SERF2: variants seen among roughly 807,000 people sequenced by gnomAD.
SERF2 encodes the protein gastric cancer-related protein VRG107.
Under a neutral mutation model 10.7 loss-of-function variants are expected in SERF2, and 4 were observed. The ratio of observed to expected loss-of-function variants is 0.37; its 90% confidence interval spans 0.18 to 0.86. The LOEUF (loss-of-function observed/expected upper bound fraction) is 0.86. SERF2 is among the 40% of genes least tolerant of loss of function. The pLI is 0.43. For missense variants in SERF2, 47 were observed against 79.1 expected (o/e 0.59, Z 1.54); for synonymous variants, 26 against 26.0 (o/e 1.00, Z 0.01).
chr15:43,795,624 T>A lies in SERF2; in HGVS notation c.*1851T>A. 2.5e-6 allele frequency: 4 copies of A among 1,611,030 alleles called. No homozygotes were observed. The South Asian group carries it at 4.4e-5, about 18-fold the overall frequency. ...CCCCAACTACCTTTGTTAAGGCTCT[T>A]GAGGGTTCTTATGGCACTCCACAGA... On this transcript the variant is annotated 3_prime_UTR_variant, in exon 3 of 3. Coordinates refer to ENST00000249786, the MANE Select transcript of SERF2 (RefSeq NM_001018108.4).
intron 2 of SERF2, among the ~76,000 whole-genome samples, chr15:43,786,749 C>G (rs1311984675): frequency 1.3e-5 from 2 of 152,176 alleles, no homozygotes; most frequent in African/African-American, 4.8e-5. Flanking sequence ...AAGATTCTTT[C>G]TGCTACTCAT....
upstream of SERF2, among the ~76,000 whole-genome samples, chr15:43,790,067 G>C (rs1286030013): frequency 6.6e-6 from 1 of 151,596 alleles, no homozygotes; most frequent in East Asian, 1.9e-4. Flanking sequence ...GCTTGAACCT[G>C]GGAGGTGGAG....
At chr15:43,790,035 G>A (rs1460025293), upstream of SERF2, among the ~76,000 whole-genome samples, 3 of 151,940 alleles carry the variant, frequency 2.0e-5, no homozygotes, top group African/African-American at 7.3e-5. Context: ...CCAGCTACTC[G>A]GGAAGCTGAG....
intron 1 of SERF2, among the ~76,000 whole-genome samples, chr15:43,783,771 T>C (rs1181640609): frequency 6.6e-6 from 1 of 151,632 alleles, no homozygotes; most frequent in Non-Finnish European, 1.5e-5. Context: ...GGCTAATTTT[T>C]TTTTTTTTGA....
chr15:43,793,666 T>G (rs1440577467), intron 2 of SERF2, 44 bp from the exon 3 acceptor site: 1 of 1,614,132 alleles, frequency 6.2e-7, no homozygotes, highest in Admixed American at 1.7e-5. Flanking sequence ...CTTGTCCTTT[T>G]TGCCCTCTGG....
intron 1 of SERF2, among the ~76,000 whole-genome samples, chr15:43,778,817 G>A (rs907586063): frequency 1.3e-5 from 2 of 151,954 alleles, no homozygotes; most frequent in East Asian, 1.9e-4. Context: ...CAGGAGAATC[G>A]CTTGAGCCCC....
Position 43,792,406 on chromosome 15 carries a change from C to T in SERF2, c.7+23C>T, listed in dbSNP as rs1295743693. ...CCCGTGAGCACCGAGCCCCCTTCTC[C>T]TTGCCCTTTTCTTTCCGTTCACCCT... On this transcript the variant is annotated intron_variant, in intron 1 of 2. Transcript: ENST00000249786. The T allele has an allele frequency of 2.5e-6, 4 of 1,613,868 alleles. No individual in the cohort carries two copies. In the African/African-American group the frequency reaches 5.3e-5, roughly 22 times the overall value.
At position 43,795,010 on chromosome 15, in the gene SERF2, G is replaced by C; in HGVS notation, c.*1237G>C. The stretch of plus-strand genomic sequence containing the variant: ...GTTTGTGAAAAGGACTTAGACTGGA[G>C]GATATTTGTTATCTGGGGATATGAT... On this transcript the variant is annotated 3_prime_UTR_variant, in exon 3 of 3. Transcript: ENST00000249786. The C allele has an allele frequency of 6.2e-7, 1 of 1,610,840 alleles. No individual in the cohort carries two copies. Among genetic ancestry groups the C allele is most frequent in the Non-Finnish European group, 8.5e-7 (1 of 1,179,326 alleles).
rs1446482514 is a variant in SERF2, at chr15:43,795,997, T to G, written c.*2224T>G. 4.5e-6 allele frequency: 3 copies of G among 669,526 alleles called. No homozygotes were observed. Among genetic ancestry groups the G allele is most frequent in the Non-Finnish European group, 7.9e-6 (3 of 377,380 alleles). 41.5% of individuals were successfully genotyped at this position (669,526 alleles called of 1,614,324 possible). ...GAGGGTTAAATTAAATGAGATTATG[T>G]AAAAGTATCTAGCACAGTTGCCTAG... On this transcript the variant is annotated 3_prime_UTR_variant, in exon 3 of 3. Transcript: ENST00000249786.
chr15:43,793,705 C>T lies in SERF2; in HGVS notation c.117-5C>T. On this transcript the variant is annotated splice_polypyrimidine_tract_variant and splice_region_variant and intron_variant, in intron 2 of 2. Transcript: ENST00000249786. ...CTCCCAGTGCCCCATCATCTCTACC[C>T]CCAGGGACTCGGAGATCATGCAGCA... is the stretch of plus-strand genomic sequence containing the variant. 1 of 1,614,192 alleles carries T rather than the reference C, an allele frequency of 6.2e-7. No individual in the cohort carries two copies. Among genetic ancestry groups the T allele is most frequent in the South Asian group, 1.1e-5 (1 of 91,088 alleles).
rs1479714759 is a variant in SERF2 at position 43,792,366 on chromosome 15, C to G, written c.-11C>G. Reference sequence around the variant, plus strand: ...ACGTAACGGAGGCAGGTTGGAGCCGCTGCCGTCGCCATGACCCGTGAGCAC... The same window carrying G: ...ACGTAACGGAGGCAGGTTGGAGCCGGTGCCGTCGCCATGACCCGTGAGCAC... On this transcript the variant is annotated 5_prime_UTR_variant, in exon 1 of 3. Coordinates refer to ENST00000249786, the MANE Select transcript of SERF2 (RefSeq NM_001018108.4). The G allele has an allele frequency of 6.2e-7, 1 of 1,610,774 alleles. No individual in the cohort carries two copies. Among genetic ancestry groups the G allele is most frequent in the African/African-American group, 1.3e-5 (1 of 74,866 alleles).
intron 1 of SERF2, among the ~76,000 whole-genome samples, chr15:43,781,889 TTCTTC>T (rs1272419493): frequency 1.2e-4 from 8 of 68,376 alleles, no homozygotes; most frequent in Admixed American, 2.1e-4. Context: ...GTCCTACTTC[TTCTTC>T]TTTTTTTTTT....
chr15:43,794,165 G>A lies in SERF2; in HGVS notation c.*392G>A, dbSNP rs1460333148. ...GATTGTGGGTATGTAGACTTAATAA[G>A]TGAAACATCACAGAAGAAGCCTTTA... is the stretch of plus-strand genomic sequence containing the variant. On this transcript the variant is annotated 3_prime_UTR_variant, in exon 3 of 3. Transcript: ENST00000249786. 3 of 565,634 alleles carry A rather than the reference G, an allele frequency of 5.3e-6. No homozygotes were observed. The highest frequency in any genetic ancestry group is 9.2e-6 in the Non-Finnish European group (3 of 325,142). The allele number at this position is 565,634 out of a possible 1,614,324, so 35.0% of individuals were successfully genotyped here.
Position 43,793,016 on chromosome 15 carries a change from AAGC to A in SERF2, c.52_54del (p.Gln18del). On this transcript the variant is annotated inframe_deletion, in exon 2 of 3. Coordinates refer to ENST00000249786, the MANE Select transcript of SERF2 (RefSeq NM_001018108.4). ...GCTCGCCCGCCAGAAGAATATGAAA[AAGC>A]AGAGCGACTCGGTTAAGGGAAAGCG... 2 of 1,612,994 alleles carry A rather than the reference AAGC, an allele frequency of 1.2e-6. No individual in the cohort carries two copies. Among genetic ancestry groups the A allele is most frequent in the Non-Finnish European group, 1.7e-6 (2 of 1,179,092 alleles).
intron 2 of SERF2, 67 bp downstream of exon 2, chr15:43,793,150 AAG>A: frequency 3.0e-6 from 3 of 994,140 alleles, no homozygotes; most frequent in Non-Finnish European, 4.7e-6. Flanking sequence ...TATAGAAGGA[AAG>A]AGAGCTACCT....
At chr15:43,792,742 ACGCCT>A (rs2087095029) in intron 1 of SERF2, 1 of 818,544 alleles carries the variant, frequency 1.2e-6, no homozygotes, top group East Asian at 2.8e-5. Flanking sequence ...GCCCCAAAAC[ACGCCT>A]CCAGCTGGCC....
chr15:43,778,931 G>T (rs969221658), intron 1 of SERF2, among the ~76,000 whole-genome samples: 1 of 152,106 alleles, frequency 6.6e-6, no homozygotes, highest in African/African-American at 2.4e-5. Flanking sequence ...TGAATACGGG[G>T]ACAGAGAAAT....
At chr15:43,781,292 C>T (rs1161701911) in intron 1 of SERF2, among the ~76,000 whole-genome samples, 3 of 152,118 alleles carry the variant, frequency 2.0e-5, no homozygotes, top group Non-Finnish European at 2.9e-5. Flanking sequence ...CGGTGGCTCA[C>T]GCCTGTGATC....
intron 1 of SERF2, among the ~76,000 whole-genome samples, chr15:43,781,620 C>A (rs1253203437): frequency 1.5e-4 from 21 of 138,804 alleles, no homozygotes; most frequent in Non-Finnish European, 2.9e-4. Flanking sequence ...GAGACAAGGT[C>A]TCACTATGTT....
Sources: gnomAD v4.1 joint callset for allele counts (sites outside exome capture counted in the v4.1 genomes callset) on GRCh38, gnomAD v4.1.1 for gene constraint, MANE v1.5 for transcripts, NCBI Gene and HGNC (gene_info 2026-07-23, HGNC 2026-07-21) for gene names.